Variants in POLA1 observed in about 807,000 individuals in gnomAD.
POLA1 encodes DNA polymerase alpha catalytic subunit.
A neutral mutation model predicts 124.0 loss-of-function variants in POLA1; 15 were observed. That is an observed-to-expected ratio of 0.12 (90% confidence interval 0.08 to 0.19). The LOEUF (loss-of-function observed/expected upper bound fraction) is 0.19. Ranked by LOEUF, POLA1 falls within the 10% of genes least tolerant of loss-of-function variation. The probability of loss-of-function intolerance (pLI) is 1.00; values close to 1 mark genes in which losing one functional copy is unlikely to be tolerated. For synonymous variants in POLA1, 408 were observed against 389.4 expected (o/e 1.05, Z -0.56); for missense variants, 886 against 1,103.4 (o/e 0.80, Z 2.79).
chrX:24,747,867 T>A (rs1474900375), intron 24 of POLA1, among the ~76,000 whole-genome samples: 2 of 110,070 alleles, frequency 1.8e-5, no homozygotes, highest in African/African-American at 3.3e-5. Context: ...CCCAAGTAGC[T>A]GGGACTACAG....
Position 24,841,654 on chromosome X carries a change from C to T in POLA1, c.3739C>T (p.Leu1247Phe), listed in dbSNP as rs1417439992. Residue 1247 changes from leucine to phenylalanine, a missense_variant and splice_region_variant, in exon 33 of 37, where the codon CTT (leucine) becomes TTT (phenylalanine). Around this residue, in one of 7 missense-constraint regions of POLA1, gnomAD observed 313 missense variants for 359.7 expected, o/e 0.87. Coordinates refer to ENST00000379068, the MANE Select transcript of POLA1 (RefSeq NM_001330360.2). The part of the protein sequence containing the change: ...DAVLIATWLG[L>F]DPTQFRVHHY... ...GTTTTTTTCTTTTACATTAATAGGA[C>T]TTGACCCCACCCAATTTAGAGTTCA... is the stretch of plus-strand genomic sequence containing the variant. 4.1e-5 allele frequency: 47 copies of T among 1,153,684 alleles called. No homozygotes were observed. The highest frequency in any genetic ancestry group is 5.0e-5 in the Non-Finnish European group (43 of 860,031).
chrX:24,922,648 T>C (rs2047634955), intron 35 of POLA1, among the ~76,000 whole-genome samples: 2 of 111,282 alleles, frequency 1.8e-5, no homozygotes, highest in Admixed American at 1.9e-4. Flanking sequence ...ACAACACTAA[T>C]CTAGCCCTAT....
intron 26 of POLA1, among the ~76,000 whole-genome samples, chrX:24,787,145 G>A (rs1038690513): frequency 1.8e-5 from 2 of 110,949 alleles, no homozygotes; most frequent in Non-Finnish European, 3.8e-5. Flanking sequence ...CAGATAATAT[G>A]GTTTGCAAAT....
In POLA1 at chrX:24,742,250, C is replaced by A. The variant is rs1165225871; in HGVS notation, c.2466+129C>A. On this transcript the variant is annotated intron_variant, in intron 22 of 36. Transcript: ENST00000379068. ...GCTAATCCCTTGTGTACTAAAGAAA[C>A]CGTGTCAAGTTTATTCCCTTGTTTT... 4 of 566,175 alleles carry A rather than the reference C, an allele frequency of 7.1e-6. No individual in the cohort carries two copies. In the African/African-American group the frequency reaches 7.8e-5, roughly 11 times the overall value. The allele number at this position is 566,175 out of a possible 1,213,427, so 46.7% of individuals were successfully genotyped here.
intron 4 of POLA1, among the ~76,000 whole-genome samples, chrX:24,712,640 A>AT (rs751636860): frequency 4.5e-5 from 5 of 110,004 alleles, no homozygotes; most frequent in Non-Finnish European, 7.6e-5. Context: ...TGAATTTATC[A>AT]TTTTTTTTCT....
intron 32 of POLA1, among the ~76,000 whole-genome samples, chrX:24,826,932 C>T (rs2046182876): frequency 8.9e-6 from 1 of 111,868 alleles, no homozygotes; most frequent in Admixed American, 9.5e-5. Flanking sequence ...AATTAGTGTA[C>T]CTCCATTTAT....
chrX:24,885,567 T>C (rs1191241535), intron 34 of POLA1, among the ~76,000 whole-genome samples: 1 of 110,779 alleles, frequency 9.0e-6, no homozygotes, highest in African/African-American at 3.3e-5. Flanking sequence ...TGGAGTCTTG[T>C]TGTGTCACCC....
intron 26 of POLA1, chrX:24,788,259 T>C: frequency 3.0e-6 from 2 of 675,143 alleles, no homozygotes; most frequent in Non-Finnish European, 4.2e-6. Flanking sequence ...GCTAACATCA[T>C]ACACAACAGT....
At chrX:24,750,844 T>A (rs1320338457) in intron 26 of POLA1, among the ~76,000 whole-genome samples, 1 of 111,677 alleles carries the variant, frequency 9.0e-6, no homozygotes, top group Non-Finnish European at 1.9e-5. Flanking sequence ...TACAGGAAGA[T>A]CATGATTTTT....
chrX:24,701,100 C>G (rs1928386689), intron 2 of POLA1, among the ~76,000 whole-genome samples: 2 of 111,382 alleles, frequency 1.8e-5, no homozygotes, highest in East Asian at 5.6e-4. Context: ...CGCCAGTTCC[C>G]CTCCCACCCC....
chrX:24,970,215 C>T (rs2048284750), intron 36 of POLA1, among the ~76,000 whole-genome samples: 1 of 111,903 alleles, frequency 8.9e-6, no homozygotes, highest in Admixed American at 9.5e-5. Flanking sequence ...AAAAGGATTC[C>T]CTATTTAATA....
chrX:24,930,240 C>A (rs747538343), intron 35 of POLA1, among the ~76,000 whole-genome samples: 1 of 111,550 alleles, frequency 9.0e-6, no homozygotes, highest in Non-Finnish European at 1.9e-5. Flanking sequence ...AATCTATGAT[C>A]GAAGTGGCAG....
intron 36 of POLA1, among the ~76,000 whole-genome samples, chrX:24,991,338 C>T (rs1176503635): frequency 1.8e-5 from 2 of 112,393 alleles, no homozygotes; most frequent in African/African-American, 3.2e-5. Context: ...GAGAGAATCA[C>T]TTCATCCAGT....
intron 36 of POLA1, among the ~76,000 whole-genome samples, chrX:24,931,055 A>G (rs2047769973): frequency 9.0e-6 from 1 of 111,363 alleles, no homozygotes; most frequent in South Asian, 3.8e-4. Flanking sequence ...CAGCTGTTGC[A>G]TGGAACCCTC....
At position 24,724,324 on chromosome X, in the gene POLA1, T is replaced by C. The variant is rs1930400589; in HGVS notation, c.1201-11T>C. The C allele has an allele frequency of 1.1e-6, 1 of 907,502 alleles. No individual in the cohort carries two copies. Among genetic ancestry groups the C allele is most frequent in the Admixed American group, 2.4e-5 (1 of 41,423 alleles). 74.8% of individuals were successfully genotyped at this position (907,502 alleles called of 1,213,427 possible). ...TTTTTTTCCCCTCTGTCCCCTTCTC[T>C]GGGATAACAGAAAATTGATCTAAAT... On this transcript the variant is annotated splice_polypyrimidine_tract_variant and intron_variant, in intron 11 of 36. Coordinates refer to ENST00000379068, the MANE Select transcript of POLA1 (RefSeq NM_001330360.2).
rs900051870 is a variant in POLA1, at chrX:24,767,361, G to A, written c.2964+18369G>A. Among the ~76,000 whole-genome samples, 13 of 111,520 alleles carry A rather than the reference G, an allele frequency of 1.2e-4. 1 individual carries two copies. The South Asian group carries it at 1.5e-3, about 13-fold the overall frequency. Reference sequence around the variant, plus strand: ...TTTAGTGTGGCACATTTGACTGCCCGCCCCCCTTAGGTTGGGTATCAGTTA... The same window carrying A: ...TTTAGTGTGGCACATTTGACTGCCCACCCCCCTTAGGTTGGGTATCAGTTA... On this transcript the variant is annotated intron_variant, in intron 26 of 36. Transcript: ENST00000379068.
chrX:24,928,291 T>C (rs2047724334), intron 35 of POLA1, among the ~76,000 whole-genome samples: 1 of 111,990 alleles, frequency 8.9e-6, no homozygotes, highest in African/African-American at 3.2e-5. Flanking sequence ...ATGTGGGTTG[T>C]CACTCGTTTG....
chrX:24,906,527 G>A (rs2047368352), intron 35 of POLA1, among the ~76,000 whole-genome samples: 1 of 107,396 alleles, frequency 9.3e-6, no homozygotes, highest in Admixed American at 1.0e-4. Flanking sequence ...GACTTGGGGG[G>A]AAGGATGGAG....
At chrX:24,975,328 T>C (rs1202540584) in intron 36 of POLA1, among the ~76,000 whole-genome samples, 1 of 112,398 alleles carries the variant, frequency 8.9e-6, no homozygotes, top group Non-Finnish European at 1.9e-5. Context: ...GCTACTTTCA[T>C]AGAAAGGCAG....
Sources: allele counts gnomAD v4.1 joint callset (sites outside exome capture counted in the v4.1 genomes callset), GRCh38; gene constraint gnomAD v4.1.1; regional missense constraint gnomAD v4.1.1; transcripts MANE v1.5; gene names NCBI Gene and HGNC (gene_info 2026-07-23, HGNC 2026-07-21).